The following LDAH variants were observed in gnomAD, a reference collection of about 807,000 sequenced individuals.
LDAH encodes lipid droplet-associated hydrolase.
LDAH carries 26 observed loss-of-function variants against 29.6 expected under a neutral mutation model. The observed-to-expected ratio is 0.88, with a 90% confidence interval of 0.64 to 1.22. The LOEUF (loss-of-function observed/expected upper bound fraction) is 1.22, where lower values mean the gene tolerates loss of function less well. Among genes scored for constraint, LDAH ranks in the 50% most tolerant of loss-of-function variants. The pLI is 0.00. For missense variants in LDAH, 344 were observed against 387.3 expected (o/e 0.89, Z 0.94); for synonymous variants, 117 against 133.0 (o/e 0.88, Z 0.83).
intron 4 of LDAH, among the ~76,000 whole-genome samples, chr2:20,749,817 G>A (rs1667835909): frequency 6.6e-6 from 1 of 152,098 alleles, no homozygotes; most frequent in African/African-American, 2.4e-5. Context: ...GAACAGGTTA[G>A]GATCTGTCCT....
At chr2:20,805,534 G>A (rs1362717812) in intron 1 of LDAH, among the ~76,000 whole-genome samples, 2 of 152,098 alleles carry the variant, frequency 1.3e-5, no homozygotes, top group African/African-American at 2.4e-5. Flanking sequence ...TTATATACTG[G>A]TAAAGGATAA....
chr2:20,800,292 T>C (rs1671573523), intron 2 of LDAH, among the ~76,000 whole-genome samples: 1 of 152,186 alleles, frequency 6.6e-6, no homozygotes, highest in African/African-American at 2.4e-5. Context: ...TACAACCAAA[T>C]AAACATTGTA....
intron 1 of LDAH, among the ~76,000 whole-genome samples, chr2:20,808,369 T>C (rs1471297940): frequency 2.6e-5 from 4 of 151,986 alleles, no homozygotes; most frequent in South Asian, 2.1e-4. Context: ...AAGTCAAGAA[T>C]AACAAGACAA....
chr2:20,740,052 A>C lies in LDAH; in HGVS notation c.622T>G (p.Leu208Val). Reference protein sequence around the residue: ...LKPCPETIKSLLIRRGLQVMN... With the variant: ...LKPCPETIKSVLIRRGLQVMN... ...ACTTGAAGGCCCCTTCTGATTAGCA[A>C]GGACTTGATTGTCTCAGGACACGGT... is the stretch of plus-strand genomic sequence containing the variant. The change falls in exon 5 of 7, where the codon TTG becomes GTG. Residue 208 changes from leucine (L) to valine (V), a missense_variant. Leu to Val is a conservative substitution (Grantham distance 32). Transcript: ENST00000237822. 4 of 1,614,164 alleles carry C rather than the reference A, an allele frequency of 2.5e-6. No individual in the cohort carries two copies. The highest frequency in any genetic ancestry group is 3.4e-6 in the Non-Finnish European group (4 of 1,180,000).
intron 5 of LDAH, among the ~76,000 whole-genome samples, chr2:20,726,818 T>TG (rs1249387676): frequency 4.6e-5 from 7 of 152,174 alleles, no homozygotes; most frequent in African/African-American, 1.4e-4. Flanking sequence ...TTCACCAAAG[T>TG]GAAAAACAAC....
chr2:20,803,438 T>C (rs147853599), intron 1 of LDAH, among the ~76,000 whole-genome samples: 2 of 152,286 alleles, frequency 1.3e-5, no homozygotes, highest in African/African-American at 4.8e-5. Flanking sequence ...AGCAGCTTGG[T>C]ATACTGTCCT....
At chr2:20,739,805 A>G (rs1439869684) in intron 5 of LDAH, among the ~76,000 whole-genome samples, 166 bp downstream of exon 5, 2 of 152,194 alleles carry the variant, frequency 1.3e-5, no homozygotes, top group Non-Finnish European at 2.9e-5. Context: ...TTATGAAAAA[A>G]TTCATTCTAT....
At chr2:20,695,760 T>C (rs1376402235) in intron 6 of LDAH, among the ~76,000 whole-genome samples, 1 of 152,178 alleles carries the variant, frequency 6.6e-6, no homozygotes, top group East Asian at 1.9e-4. Flanking sequence ...GATACTCTTA[T>C]AAGGTCTGAA....
chr2:20,712,508 C>A (rs1307447491), intron 5 of LDAH, among the ~76,000 whole-genome samples: 1 of 152,126 alleles, frequency 6.6e-6, no homozygotes, highest in African/African-American at 2.4e-5. Context: ...TCCTCGCCAG[C>A]AATGGAACAA....
chr2:20,701,384 A>G (rs1005366755), intron 6 of LDAH, among the ~76,000 whole-genome samples, 186 bp downstream of exon 6: 1 of 152,240 alleles, frequency 6.6e-6, no homozygotes, highest in Non-Finnish European at 1.5e-5. Flanking sequence ...ATAAGTTATT[A>G]TGCAATTAGC....
chr2:20,695,514 A>G (rs1399954854), intron 6 of LDAH, among the ~76,000 whole-genome samples: 1 of 149,296 alleles, frequency 6.7e-6, no homozygotes, highest in Admixed American at 6.7e-5. Flanking sequence ...GTGCAGTAGC[A>G]TGATCTTGGC....
At chr2:20,810,555 C>T (rs986820923) in intron 1 of LDAH, among the ~76,000 whole-genome samples, 3 of 152,222 alleles carry the variant, frequency 2.0e-5, no homozygotes, top group Admixed American at 2.0e-4. Context: ...ATGGGAGTTA[C>T]TATTGTGGCC....
intron 2 of LDAH, among the ~76,000 whole-genome samples, chr2:20,800,647 T>C (rs947090200): frequency 6.0e-4 from 91 of 152,228 alleles, no homozygotes; most frequent in African/African-American, 2.1e-3. Flanking sequence ...TTTAAATATT[T>C]TTTTGAGACG....
intron 5 of LDAH, among the ~76,000 whole-genome samples, chr2:20,713,283 C>T (rs1335429939): frequency 2.0e-5 from 3 of 152,164 alleles, no homozygotes; most frequent in Non-Finnish European, 4.4e-5. Context: ...CATATACAGC[C>T]AAACTAAGCT....
chr2:20,724,749 C>A (rs1247231650), intron 5 of LDAH, among the ~76,000 whole-genome samples: 1 of 152,206 alleles, frequency 6.6e-6, no homozygotes, highest in Non-Finnish European at 1.5e-5. Context: ...TAAACCACAA[C>A]TAATCATAAA....
intron 4 of LDAH, among the ~76,000 whole-genome samples, chr2:20,767,311 A>G (rs1037002332): frequency 3.3e-5 from 5 of 151,414 alleles, no homozygotes; most frequent in Admixed American, 6.5e-5. Flanking sequence ...CTTGCCCTTG[A>G]AGGCTTGGAG....
At position 20,799,086 on chromosome 2, in the gene LDAH, G is replaced by T. The variant is rs529866090; in HGVS notation, c.154+2224C>A. 6.2e-4 allele frequency among the ~76,000 whole-genome samples: 94 copies of T among 151,978 alleles called. No homozygotes were observed. In the South Asian group the frequency reaches 0.012, roughly 19 times the overall value. The stretch of plus-strand genomic sequence containing the variant: ...TACTAAGACTACAAAAATTAGCCAG[G>T]CATGGTGGCAGACACCTGTAATCCC... On this transcript the variant is annotated intron_variant, in intron 2 of 6. Coordinates refer to ENST00000237822, the MANE Select transcript of LDAH (RefSeq NM_021925.4).
At chr2:20,754,581 G>C (rs891835301) in intron 4 of LDAH, among the ~76,000 whole-genome samples, 5 of 151,066 alleles carry the variant, frequency 3.3e-5, no homozygotes, top group African/African-American at 1.2e-4. Flanking sequence ...ATCTCGATTA[G>C]GTGATTGAAA....
In LDAH at chr2:20,684,982, A is replaced by C; in HGVS notation, c.*1921T>G. Reference sequence around the variant, plus strand: ...ACTTTAAAAGAGAGACTTTGAGCCGAGTCTAACTCAGGAGAACTGCTCAAA... The same window carrying C: ...ACTTTAAAAGAGAGACTTTGAGCCGCGTCTAACTCAGGAGAACTGCTCAAA... On this transcript the variant is annotated 3_prime_UTR_variant, in exon 7 of 7. Transcript: ENST00000237822. The C allele has an allele frequency of 1.3e-6, 2 of 1,545,492 alleles. No homozygotes were observed. The highest frequency in any genetic ancestry group is 8.7e-7 in the Non-Finnish European group (1 of 1,144,550).
Sources: allele counts gnomAD v4.1 joint callset (sites outside exome capture counted in the v4.1 genomes callset), GRCh38; gene constraint gnomAD v4.1.1; transcripts MANE v1.5; gene names NCBI Gene and HGNC (gene_info 2026-07-23, HGNC 2026-07-21).